ADGRL3: variants seen among roughly 807,000 people sequenced by gnomAD.
ADGRL3 encodes calcium-independent alpha-latrotoxin receptor 3.
Under a neutral mutation model 153.5 loss-of-function variants are expected in ADGRL3, and 62 were observed. That is an observed-to-expected ratio of 0.40 (90% CI 0.33 to 0.50). The LOEUF is 0.50. Among genes scored for constraint, ADGRL3 ranks in the 20% least tolerant of loss-of-function variants. ADGRL3 has a pLI of 0.47. For missense variants in ADGRL3, 1,641 were observed against 1,859.4 expected (o/e 0.88, Z 2.16); for synonymous variants, 710 against 672.5 (o/e 1.06, Z -0.86).
chr4:61,688,265 T>A (rs1268553191), intron 6 of ADGRL3, among the ~76,000 whole-genome samples: 1 of 152,154 alleles, frequency 6.6e-6, no homozygotes, highest in African/African-American at 2.4e-5. Flanking sequence ...AATCTAATTA[T>A]AATTTACATC....
chr4:62,040,369 A>G (rs902716869), intron 24 of ADGRL3, among the ~76,000 whole-genome samples: 2 of 151,996 alleles, frequency 1.3e-5, no homozygotes, highest in Non-Finnish European at 2.9e-5. Context: ...TATACTTAAT[A>G]TAATACTAAT....
At chr4:61,776,734 G>A (rs2097155867) in intron 8 of ADGRL3, among the ~76,000 whole-genome samples, 1 of 152,116 alleles carries the variant, frequency 6.6e-6, no homozygotes, top group Admixed American at 6.5e-5. Context: ...ATGTATCTGT[G>A]ATGAAATCCT....
intron 21 of ADGRL3, among the ~76,000 whole-genome samples, chr4:62,016,885 T>C (rs990437676): frequency 6.6e-6 from 1 of 152,220 alleles, no homozygotes; most frequent in Admixed American, 6.5e-5. Flanking sequence ...AAGATTTTTC[T>C]CCATTAATGT....
Position 61,249,665 on chromosome 4 carries a change from C to T in ADGRL3, c.-240+47900C>T, listed in dbSNP as rs116125705. 8.4e-3 allele frequency among the ~76,000 whole-genome samples: 1,274 copies of T among 152,294 alleles called. 20 individuals are homozygous for T. The highest frequency in any genetic ancestry group is 0.028 in the African/African-American group (1,173 of 41,556). On this transcript the variant is annotated intron_variant, in intron 1 of 26. Transcript: ENST00000683033. ...TAGCTTGAATTTAATCACATGGCCA[C>T]ACCTAGCTGAAAACGTTGGGAAACG...
chr4:61,375,375 A>G (rs369625444), intron 1 of ADGRL3, among the ~76,000 whole-genome samples: 1 of 152,194 alleles, frequency 6.6e-6, no homozygotes, highest in South Asian at 2.1e-4. Flanking sequence ...TCTTAAGTAG[A>G]GCATTTCTGC....
chr4:61,646,820 C>A lies in ADGRL3; in HGVS notation c.474-30006C>A, dbSNP rs988621945. 3.3e-5 allele frequency among the ~76,000 whole-genome samples: 5 copies of A among 152,218 alleles called. No individual in the cohort carries two copies. In the East Asian group the frequency reaches 5.8e-4, roughly 18 times the overall value. ...TGGGCTCCACCCAGTTTGAGCTTCCCAGCTGCTTTGTTTACCTAATCAAGC... is the reference window on the plus strand; with the variant it reads ...TGGGCTCCACCCAGTTTGAGCTTCCAAGCTGCTTTGTTTACCTAATCAAGC... On this transcript the variant is annotated intron_variant, in intron 5 of 26. Transcript: ENST00000683033.
intron 6 of ADGRL3, among the ~76,000 whole-genome samples, chr4:61,682,331 C>A (rs923933069): frequency 6.6e-6 from 1 of 151,678 alleles, no homozygotes; most frequent in Non-Finnish European, 1.5e-5. Context: ...CTCTCCCATT[C>A]TTTCTCTCCC....
At chr4:61,290,293 A>G (rs1485787578) in intron 1 of ADGRL3, among the ~76,000 whole-genome samples, 1 of 152,130 alleles carries the variant, frequency 6.6e-6, no homozygotes, top group Admixed American at 6.6e-5. Flanking sequence ...TGGACTTGGC[A>G]TTCATATATT....
At chr4:61,972,601 A>C (rs2099032663) in intron 17 of ADGRL3, among the ~76,000 whole-genome samples, 1 of 152,126 alleles carries the variant, frequency 6.6e-6, no homozygotes. Flanking sequence ...TGATGCCTCC[A>C]GCTTTGTTCT....
chr4:61,740,327 T>C (rs2096567449), intron 8 of ADGRL3, among the ~76,000 whole-genome samples: 1 of 152,200 alleles, frequency 6.6e-6, no homozygotes, highest in African/African-American at 2.4e-5. Flanking sequence ...TTTGAGTGAT[T>C]CTCACATGAG....
intron 21 of ADGRL3, among the ~76,000 whole-genome samples, chr4:62,026,760 T>C (rs193174696): frequency 4.6e-5 from 7 of 151,942 alleles, no homozygotes; most frequent in Admixed American, 2.6e-4. Flanking sequence ...TAAAATTGTA[T>C]TGTGTATGGG....
At chr4:61,494,696 A>G (rs1483688092) in intron 2 of ADGRL3, among the ~76,000 whole-genome samples, 1 of 152,110 alleles carries the variant, frequency 6.6e-6, no homozygotes, top group Non-Finnish European at 1.5e-5. Context: ...GTTTCTTGTC[A>G]ATGCTTTCTC....
chr4:61,771,649 G>A (rs2097088116), intron 8 of ADGRL3, among the ~76,000 whole-genome samples: 1 of 151,840 alleles, frequency 6.6e-6, no homozygotes, highest in African/African-American at 2.4e-5. Flanking sequence ...CAAACTCCTG[G>A]GCTTAAACAG....
At chr4:61,844,483 GT>G (rs1477881588) in intron 9 of ADGRL3, among the ~76,000 whole-genome samples, 2 of 136,740 alleles carry the variant, frequency 1.5e-5, no homozygotes, top group Non-Finnish European at 3.1e-5. Flanking sequence ...GGAGGCGGAG[GT>G]TCCAGTGAGC....
At chr4:61,370,321 T>C (rs549701383) in intron 1 of ADGRL3, among the ~76,000 whole-genome samples, 1 of 151,604 alleles carries the variant, frequency 6.6e-6, no homozygotes, top group African/African-American at 2.4e-5. Context: ...ATTGTGATGT[T>C]AGGGTGTCAA....
intron 3 of ADGRL3, among the ~76,000 whole-genome samples, chr4:61,499,000 G>A (rs1377437151): frequency 6.6e-6 from 1 of 152,090 alleles, no homozygotes; most frequent in African/African-American, 2.4e-5. Flanking sequence ...CCACTGCTTA[G>A]GTCTCAGAAT....
At chr4:61,374,227 A>G (rs1281558947) in intron 1 of ADGRL3, among the ~76,000 whole-genome samples, 2 of 152,210 alleles carry the variant, frequency 1.3e-5, no homozygotes, top group Non-Finnish European at 2.9e-5. Context: ...TTTGAATAGT[A>G]TAACTATTTC....
At chr4:61,934,574 T>C (rs988628845) in intron 13 of ADGRL3, among the ~76,000 whole-genome samples, 1 of 152,226 alleles carries the variant, frequency 6.6e-6, no homozygotes, top group African/African-American at 2.4e-5. Context: ...GCTTGTGCTA[T>C]TGATTCTAAG....
At chr4:61,556,561 G>A (rs1199664396) in intron 4 of ADGRL3, among the ~76,000 whole-genome samples, 5 of 152,078 alleles carry the variant, frequency 3.3e-5, no homozygotes, top group Non-Finnish European at 7.4e-5. Flanking sequence ...CACTCTCCCT[G>A]CACTATGGAC....
Sources: allele counts gnomAD v4.1 joint callset (sites outside exome capture counted in the v4.1 genomes callset), GRCh38; gene constraint gnomAD v4.1.1; transcripts MANE v1.5; gene names NCBI Gene and HGNC (gene_info 2026-07-23, HGNC 2026-07-21).